The following TLN2 variants were observed in gnomAD, a reference collection of about 807,000 sequenced individuals.
TLN2 encodes talin 2, also known as talin-2.
In TLN2, 118 loss-of-function variants were observed where a neutral mutation model predicts 294.7. That is an observed-to-expected ratio of 0.40 (90% CI 0.34 to 0.47). The LOEUF is 0.47. Ranked by LOEUF, TLN2 falls within the 20% of genes least tolerant of loss-of-function variation. TLN2 has a pLI of 0.84. For synonymous variants in TLN2, 1,431 were observed against 1,304.5 expected, an observed-to-expected ratio of 1.10 and a Z score of -2.09; for missense variants, 3,083 against 3,282.2, an observed-to-expected ratio of 0.94 and a Z score of 1.48.
chr15:62,490,231 C>G (rs1376810750), intron 1 of TLN2, among the ~76,000 whole-genome samples: 1 of 152,130 alleles, frequency 6.6e-6, no homozygotes, highest in African/African-American at 2.4e-5. Context: ...CCACTTCCCT[C>G]CCCTGGTGTT....
chr15:62,836,461 G>A (rs1371268751), intron 57 of TLN2, among the ~76,000 whole-genome samples: 1 of 152,230 alleles, frequency 6.6e-6, no homozygotes, highest in African/African-American at 2.4e-5. Flanking sequence ...CTGTAGGTCT[G>A]TCTGTGAGCA....
At chr15:62,577,186 G>A (rs2044494731) in intron 1 of TLN2, among the ~76,000 whole-genome samples, 1 of 152,228 alleles carries the variant, frequency 6.6e-6, no homozygotes, top group Admixed American at 6.5e-5. Context: ...GCTCACGCCT[G>A]TAATCCCAGC....
At position 62,698,778 on chromosome 15, in the gene TLN2, G is replaced by T. The variant is rs1401422919; in HGVS notation, c.1498G>T (p.Gly500Trp). 6.2e-7 allele frequency: 1 copy of T among 1,611,572 alleles called. No individual in the cohort carries two copies. Among genetic ancestry groups the T allele is most frequent in the Admixed American group, 1.7e-5 (1 of 60,012 alleles). ...PLTSAQQALM[G>W]TINTSMHAVQ... ...GACCTCAGCCCAGCAGGCCCTGATG[G>T]GGACCATCAACACAAGCATGCACGC... Residue 500 changes from glycine to tryptophan, a missense_variant, in exon 16 of 59, where the codon GGG becomes TGG. Coordinates refer to ENST00000636159, the MANE Select transcript of TLN2 (RefSeq NM_015059.3).
chr15:62,650,964 C>T (rs2052524980), intron 5 of TLN2, among the ~76,000 whole-genome samples: 1 of 152,136 alleles, frequency 6.6e-6, no homozygotes, highest in Non-Finnish European at 1.5e-5. Context: ...AAAATCACGA[C>T]TACTGTGATA....
intron 1 of TLN2, among the ~76,000 whole-genome samples, chr15:62,511,237 G>T (rs565702693): frequency 2.1e-4 from 32 of 152,182 alleles, no homozygotes; most frequent in Non-Finnish European, 3.7e-4. Context: ...ACGGGCTTCC[G>T]ATGAGTCTAT....
chr15:62,527,091 T>G (rs888754134), intron 1 of TLN2, among the ~76,000 whole-genome samples: 3 of 152,152 alleles, frequency 2.0e-5, no homozygotes, highest in African/African-American at 7.2e-5. Flanking sequence ...AGGGTTAAAT[T>G]GTTGAGACAA....
chr15:62,603,783 T>C (rs2047192622), intron 2 of TLN2, among the ~76,000 whole-genome samples: 1 of 152,256 alleles, frequency 6.6e-6, no homozygotes, highest in Non-Finnish European at 1.5e-5. Flanking sequence ...ATCTGTGTTA[T>C]GTCTTCAAGT....
At chr15:62,677,859 G>A (rs930130703) in intron 11 of TLN2, among the ~76,000 whole-genome samples, 7 of 115,488 alleles carry the variant, frequency 6.1e-5, no homozygotes, top group African/African-American at 6.4e-5. Flanking sequence ...GCAATGGCAC[G>A]ATCTCGGCTC....
intron 1 of TLN2, among the ~76,000 whole-genome samples, chr15:62,408,194 G>A (rs1473210222): frequency 6.6e-6 from 1 of 152,060 alleles, no homozygotes; most frequent in East Asian, 1.9e-4. Context: ...AACTGAGAGG[G>A]TGTGGCCTTA....
intron 45 of TLN2, among the ~76,000 whole-genome samples, chr15:62,786,871 A>G (rs2141099462): frequency 6.6e-6 from 1 of 152,300 alleles, no homozygotes; most frequent in East Asian, 1.9e-4. Flanking sequence ...AACCGCAATT[A>G]CTTTTATGCC....
At chr15:62,617,557 C>T (rs2048412167) in intron 2 of TLN2, among the ~76,000 whole-genome samples, 1 of 152,192 alleles carries the variant, frequency 6.6e-6, no homozygotes, top group African/African-American at 2.4e-5. Flanking sequence ...TCTCCAGCCT[C>T]TCTGAGCTCC....
chr15:62,509,143 C>A lies in TLN2; in HGVS notation c.-237-80544C>A, dbSNP rs117669154. ...ATGGTCTGGCTCTAGGATCTGTGAT[C>A]TTAACCATTACCCTATGCTTCCTGT... On this transcript the variant is annotated intron_variant, in intron 1 of 58. Coordinates refer to ENST00000636159, the MANE Select transcript of TLN2 (RefSeq NM_015059.3). Among the ~76,000 whole-genome samples, 43 of 152,344 alleles carry A rather than the reference C, an allele frequency of 2.8e-4. 1 individual carries two copies. The East Asian group carries it at 6.2e-3, about 22-fold the overall frequency.
At chr15:62,741,840 C>T (rs555688857) in intron 32 of TLN2, among the ~76,000 whole-genome samples, 1 of 147,336 alleles carries the variant, frequency 6.8e-6, no homozygotes, top group East Asian at 2.1e-4. Context: ...AATTATATTC[C>T]AAGCTTTAAT....
At chr15:62,689,784 T>G (rs1203811932) in intron 12 of TLN2, among the ~76,000 whole-genome samples, 1 of 147,016 alleles carries the variant, frequency 6.8e-6, no homozygotes, top group East Asian at 2.0e-4. Flanking sequence ...AATATGTCAT[T>G]TTTCTGTGGC....
intron 33 of TLN2, among the ~76,000 whole-genome samples, chr15:62,750,073 C>T (rs746946193): frequency 7.2e-5 from 11 of 152,196 alleles, no homozygotes; most frequent in Admixed American, 3.3e-4. Flanking sequence ...TAATTGACCA[C>T]GCATGTATTG....
At chr15:62,479,780 C>T (rs183046998) in intron 1 of TLN2, among the ~76,000 whole-genome samples, 2 of 152,344 alleles carry the variant, frequency 1.3e-5, no homozygotes, top group Non-Finnish European at 2.9e-5. Flanking sequence ...GCCACCATGC[C>T]CGGCCTTCTT....
At chr15:62,714,412 C>T (rs2059638720) in intron 22 of TLN2, among the ~76,000 whole-genome samples, 5 of 151,870 alleles carry the variant, frequency 3.3e-5, no homozygotes, top group Admixed American at 3.3e-4. Context: ...CCGTGTTAGC[C>T]AGGATGGTCT....
chr15:62,392,827 G>A (rs2032210518), intron 1 of TLN2, among the ~76,000 whole-genome samples: 1 of 152,092 alleles, frequency 6.6e-6, no homozygotes, highest in Non-Finnish European at 1.5e-5. Flanking sequence ...GTGTTAGGCA[G>A]CTCTTTCCCT....
intron 1 of TLN2, among the ~76,000 whole-genome samples, chr15:62,572,920 G>C (rs1268387418): frequency 6.6e-6 from 1 of 152,086 alleles, no homozygotes; most frequent in Non-Finnish European, 1.5e-5. Context: ...TCCCAGCCTT[G>C]TGCTGTCCTC....
Sources: gnomAD v4.1 joint callset for allele counts (sites outside exome capture counted in the v4.1 genomes callset) on GRCh38, gnomAD v4.1.1 for gene constraint, MANE v1.5 for transcripts, NCBI Gene and HGNC (gene_info 2026-07-23, HGNC 2026-07-21) for gene names.